Variants in RHOT1 observed in about 807,000 individuals in gnomAD.
The protein encoded by RHOT1 is ras homolog family member T1.
RHOT1 carries 27 observed loss-of-function variants against 95.3 expected under a neutral mutation model. The ratio of observed to expected loss-of-function variants is 0.28; its 90% CI spans 0.21 to 0.39. RHOT1 has a LOEUF of 0.39. Among genes scored for constraint, RHOT1 ranks in the 10% least tolerant of loss-of-function variants. RHOT1 has a pLI of 1.00. For missense variants in RHOT1, 578 were observed against 786.7 expected (o/e 0.73, Z 3.17); for synonymous variants, 227 against 263.5 (o/e 0.86, Z 1.34).
intron 19 of RHOT1, among the ~76,000 whole-genome samples, chr17:32,213,936 T>C (rs1372753746): frequency 6.6e-6 from 1 of 152,182 alleles, no homozygotes; most frequent in African/African-American, 2.4e-5. Flanking sequence ...TTCGGTCATA[T>C]CTATTTATAA....
chr17:32,161,701 A>G (rs1469497440), intron 1 of RHOT1, among the ~76,000 whole-genome samples: 1 of 152,190 alleles, frequency 6.6e-6, no homozygotes, highest in Non-Finnish European at 1.5e-5. Flanking sequence ...ACTATGTCAG[A>G]TTTCTCTTAC....
At chr17:32,143,110 A>G (rs1309355273) in intron 1 of RHOT1, 1 of 575,794 alleles carries the variant, frequency 1.7e-6, no homozygotes, top group African/African-American at 1.9e-5. Context: ...GCCTCCTTTC[A>G]GACCTTCTTG....
intron 19 of RHOT1, chr17:32,222,747 T>C (rs1427019403): frequency 7.0e-6 from 3 of 427,498 alleles, no homozygotes; most frequent in Non-Finnish European, 9.4e-6. Context: ...ACTGTGTGCA[T>C]GTGTATAAAA....
chr17:32,161,888 A>G (rs991446139), intron 1 of RHOT1, among the ~76,000 whole-genome samples: 4 of 152,200 alleles, frequency 2.6e-5, no homozygotes, highest in East Asian at 1.9e-4. Flanking sequence ...ATTCACGATT[A>G]TACAAATGAA....
chr17:32,201,072 C>T lies in RHOT1; in HGVS notation c.1201+16C>T, dbSNP rs2037281667. ...GCTGTTACAGGTAAGTATCTAGATA[C>T]TGTTCAGCTCATGATTAGAGATATT... On this transcript the variant is annotated intron_variant, in intron 14 of 19. Transcript: ENST00000545287. The T allele has an allele frequency of 7.0e-7, 1 of 1,431,038 alleles. No individual in the cohort carries two copies. Among genetic ancestry groups the T allele is most frequent in the Non-Finnish European group, 9.7e-7 (1 of 1,034,242 alleles). 88.6% of individuals were successfully genotyped at this position (1,431,038 alleles called of 1,614,324 possible).
chr17:32,161,555 G>T (rs1405627598), intron 1 of RHOT1, among the ~76,000 whole-genome samples: 9 of 152,230 alleles, frequency 5.9e-5, no homozygotes, highest in Admixed American at 3.3e-4. Flanking sequence ...TTACAAAGGT[G>T]GTTTAGTTTT....
Position 32,204,005 on chromosome 17 carries a change from A to G in RHOT1, c.1416+32A>G, listed in dbSNP as rs770215652. Reference sequence around the variant, plus strand: ...AATTCTGTGGCATACAAAAATTACTAATTATTGGGTACATTTTTAAATGAC... The same window carrying G: ...AATTCTGTGGCATACAAAAATTACTGATTATTGGGTACATTTTTAAATGAC... On this transcript the variant is annotated intron_variant, in intron 16 of 19. Transcript: ENST00000545287. The G allele has an allele frequency of 7.0e-6, 10 of 1,422,792 alleles. 1 individual carries two copies. Among genetic ancestry groups the G allele is most frequent in the South Asian group, 5.9e-5 (5 of 84,826 alleles). The allele number at this position is 1,422,792 out of a possible 1,614,324, so 88.1% of individuals were successfully genotyped here. A position where few individuals can be genotyped will look rare whatever the true frequency, so the allele number is the denominator to read the frequency against.
At position 32,206,304 on chromosome 17, in the gene RHOT1, C is replaced by T. The variant is rs2037729940; in HGVS notation, c.1417-606C>T. ...CACTGTAACCTCTGCTTTCCAGGCTCAAGCGATTCTCCTGCCTTAGCCTCC... is the reference window on the plus strand; with the variant it reads ...CACTGTAACCTCTGCTTTCCAGGCTTAAGCGATTCTCCTGCCTTAGCCTCC... On this transcript the variant is annotated intron_variant, in intron 16 of 19. Transcript: ENST00000545287. Among the ~76,000 whole-genome samples, 3 of 146,612 alleles carry T rather than the reference C, an allele frequency of 2.0e-5. No individual in the cohort carries two copies. In the Admixed American group the frequency reaches 2.1e-4, roughly 10 times the overall value.
chr17:32,207,878 A>G (rs1047812330), intron 17 of RHOT1, among the ~76,000 whole-genome samples: 1 of 152,192 alleles, frequency 6.6e-6, no homozygotes, highest in African/African-American at 2.4e-5. Flanking sequence ...TAATAAATCT[A>G]AGGAATCAGT....
intron 19 of RHOT1, among the ~76,000 whole-genome samples, chr17:32,218,500 C>T (rs1484919588): frequency 7.0e-6 from 1 of 143,624 alleles, no homozygotes; most frequent in African/African-American, 2.7e-5. Flanking sequence ...CAATGAGATC[C>T]TGTCTGAAAA....
In RHOT1 at chr17:32,161,332, G is replaced by T. The variant is rs944055375; in HGVS notation, c.38-9711G>T. On this transcript the variant is annotated intron_variant, in intron 1 of 19. Transcript: ENST00000545287. ...ACTGAGTCACAAGTTGTGGGTTCCG[G>T]TAGAGTCAGTCCTTCACCAGAAATG... Among the ~76,000 whole-genome samples the T allele has an allele frequency of 2.0e-5, 3 of 152,190 alleles. No homozygotes were observed. In the South Asian group the frequency reaches 6.2e-4, roughly 32 times the overall value.
At position 32,183,244 on chromosome 17, in the gene RHOT1, G is replaced by C. The variant is rs1459251202; in HGVS notation, c.512G>C (p.Gly171Ala). Residue 171 changes from glycine (G) to alanine (A), a missense_variant, in exon 8 of 20, where the codon GGG (glycine) becomes GCG (alanine). This residue lies in a region of RHOT1 where 227 missense variants were observed against 316.0 expected (regional missense o/e 0.72). Coordinates refer to ENST00000545287, the MANE Select transcript of RHOT1 (RefSeq NM_001033566.3). ...YAQKAVLHPT[G>A]PLYCPEEKEM... ...CAGAAAGCTGTTCTTCATCCTACAG[G>C]GCCCCTGTACTGCCCAGAGGAGAAG... 17 of 1,543,626 alleles carry C rather than the reference G, an allele frequency of 1.1e-5. No individual in the cohort carries two copies. The highest frequency in any genetic ancestry group is 1.4e-5 in the Non-Finnish European group (16 of 1,141,832).
chr17:32,192,391 A>T, intron 9 of RHOT1, 92 bp downstream of exon 9: 1 of 737,352 alleles, frequency 1.4e-6, no homozygotes. Context: ...AAACAACAAG[A>T]ACAGTATGTT....
chr17:32,155,229 G>A (rs1374340672), intron 1 of RHOT1, among the ~76,000 whole-genome samples: 2 of 151,790 alleles, frequency 1.3e-5, no homozygotes, highest in Non-Finnish European at 1.5e-5. Flanking sequence ...GCGCGATCTC[G>A]GCTCACTGCA....
At chr17:32,161,683 T>C (rs1371140826) in intron 1 of RHOT1, among the ~76,000 whole-genome samples, 3 of 152,240 alleles carry the variant, frequency 2.0e-5, no homozygotes, top group Admixed American at 2.0e-4. Flanking sequence ...AGAAGCAAGA[T>C]GGAGTCAACT....
intron 1 of RHOT1, among the ~76,000 whole-genome samples, chr17:32,165,226 A>G (rs537979328): frequency 2.0e-5 from 3 of 150,478 alleles, no homozygotes; most frequent in African/African-American, 7.3e-5. Flanking sequence ...AGTCCCAGCT[A>G]CTTGGGAGGC....
At chr17:32,174,402 T>C (rs1044274874) in intron 3 of RHOT1, among the ~76,000 whole-genome samples, 14 of 152,228 alleles carry the variant, frequency 9.2e-5, no homozygotes, top group Admixed American at 2.0e-4. Flanking sequence ...TTGCATTATC[T>C]GTATGTTGGA....
chr17:32,179,671 G>A (rs117147242), intron 6 of RHOT1: 24,395 of 127,672 alleles, frequency 0.19, 2,307 homozygotes, highest in South Asian at 0.29. Context: ...CTGCCCGGCC[G>A]CCCATCATCT....
At chr17:32,151,514 GA>G in intron 1 of RHOT1, 1 of 582,634 alleles carries the variant, frequency 1.7e-6, no homozygotes, top group South Asian at 1.9e-5. Context: ...CATGGTTTCT[GA>G]AATCTGTCAT....
Sources: gnomAD v4.1 joint callset for allele counts (sites outside exome capture counted in the v4.1 genomes callset) on GRCh38, gnomAD v4.1.1 for gene constraint, gnomAD v4.1.1 regional missense constraint, MANE v1.5 for transcripts, NCBI Gene and HGNC (gene_info 2026-07-23, HGNC 2026-07-21) for gene names.